Variants in TENM1 observed in about 807,000 individuals in gnomAD.
The protein encoded by TENM1 is teneurin transmembrane protein 1, also known as teneurin-1.
A neutral mutation model predicts 174.8 loss-of-function variants in TENM1; 35 were observed. The ratio of observed to expected loss-of-function variants is 0.20; its 90% confidence interval spans 0.15 to 0.27. TENM1 has a LOEUF of 0.27. TENM1 is among the 10% of genes least tolerant of loss of function. The pLI is 1.00. For synonymous variants in TENM1, 781 were observed against 798.7 expected, an observed-to-expected ratio of 0.98 and a Z score of 0.37; for missense variants, 1,633 against 2,130.1, an observed-to-expected ratio of 0.77 and a Z score of 4.59.
intron 3 of TENM1, among the ~76,000 whole-genome samples, chrX:124,761,627 G>T (rs2054419565): frequency 9.1e-6 from 1 of 109,472 alleles, no homozygotes; most frequent in Admixed American, 9.8e-5. Flanking sequence ...AACCAACATG[G>T]CACATGTATA....
the TENM1 span, among the ~76,000 whole-genome samples, chrX:125,120,321 T>C: frequency 8.9e-6 from 1 of 111,787 alleles, no homozygotes; most frequent in Admixed American, 9.6e-5. Flanking sequence ...TAACTATGTA[T>C]GTTTTTAAGT....
the TENM1 span, among the ~76,000 whole-genome samples, chrX:125,139,420 C>T: frequency 9.0e-6 from 1 of 111,122 alleles, no homozygotes; most frequent in Non-Finnish European, 1.9e-5. Flanking sequence ...CCGAAGCTAC[C>T]ACCACATCTG....
At chrX:125,180,942 T>C in the TENM1 span, among the ~76,000 whole-genome samples, 1 of 111,505 alleles carries the variant, frequency 9.0e-6, no homozygotes, top group Non-Finnish European at 1.9e-5. Context: ...CAGTCCACAC[T>C]CACATGCCTG....
the TENM1 span, among the ~76,000 whole-genome samples, chrX:125,054,853 G>A: frequency 1.8e-5 from 2 of 111,635 alleles, no homozygotes; most frequent in African/African-American, 6.5e-5. Context: ...GAGGGAAAGA[G>A]GGAGGAAAAA....
chrX:125,159,757 T>C, the TENM1 span, among the ~76,000 whole-genome samples: 2 of 112,188 alleles, frequency 1.8e-5, no homozygotes, highest in African/African-American at 6.5e-5. Context: ...TTCTCACTTC[T>C]TTCTTTAAAT....
the TENM1 span, among the ~76,000 whole-genome samples, chrX:125,200,654 T>TGAGAGAGAGAGAGAGAGAGAGAGAGAGA: frequency 1.1e-4 from 10 of 92,418 alleles, no homozygotes; most frequent in African/African-American, 4.2e-4. Flanking sequence ...TGTGTGTGTG[T>TGAGAGAGAGAGAGAGAGAGAGAGAGAGA]GAGAGAGAGA....
chrX:125,152,788 G>C, the TENM1 span, among the ~76,000 whole-genome samples: 2 of 112,191 alleles, frequency 1.8e-5, no homozygotes, highest in African/African-American at 3.2e-5. Flanking sequence ...TGAGAGAAGG[G>C]AGGAAAGAAA....
intron 22 of TENM1, among the ~76,000 whole-genome samples, chrX:124,465,872 C>A (rs985071459): frequency 4.5e-5 from 5 of 111,354 alleles, no homozygotes; most frequent in Admixed American, 1.9e-4. Flanking sequence ...GGGCAGGGAC[C>A]ATATCTTCTT....
intron 3 of TENM1, among the ~76,000 whole-genome samples, chrX:124,891,677 G>A (rs1477631602): frequency 1.8e-5 from 2 of 108,433 alleles, no homozygotes; most frequent in Non-Finnish European, 3.8e-5. Flanking sequence ...AAAATCACAT[G>A]TACCCATAAA....
chrX:124,614,075 G>C (rs1042234841), intron 11 of TENM1, among the ~76,000 whole-genome samples: 20 of 111,567 alleles, frequency 1.8e-4, no homozygotes, highest in African/African-American at 5.5e-4. Flanking sequence ...CTGTTTTCTG[G>C]GGGGGTTGGG....
the TENM1 span, among the ~76,000 whole-genome samples, chrX:125,001,405 A>G: frequency 1.8e-5 from 2 of 111,540 alleles, no homozygotes; most frequent in Non-Finnish European, 3.8e-5. Flanking sequence ...TCTGTAAAAC[A>G]AGGTACTTGA....
the TENM1 span, among the ~76,000 whole-genome samples, chrX:125,197,880 C>G: frequency 8.9e-6 from 1 of 111,790 alleles, no homozygotes; most frequent in Non-Finnish European, 1.9e-5. Context: ...GTTTCATTAT[C>G]AAAGATCTTC....
In TENM1 at chrX:124,886,841, G is replaced by C. The variant is rs916218200; in HGVS notation, c.535+7455C>G. On this transcript the variant is annotated intron_variant, in intron 3 of 31. Transcript: ENST00000422452. ...GCAAAGTATGTCAACAGGAAATTGA[G>C]AGAAGAGATGGAAATGGGCCATTAA... 4.7e-5 allele frequency among the ~76,000 whole-genome samples: 5 copies of C among 105,278 alleles called. No homozygotes were observed. The East Asian group carries it at 1.5e-3, about 31-fold the overall frequency. 91.4% of individuals were successfully genotyped at this position (105,278 alleles called of 115,157 possible). A position where few individuals can be genotyped will look rare whatever the true frequency, so the allele number is the denominator to read the frequency against.
the TENM1 span, among the ~76,000 whole-genome samples, chrX:125,057,144 T>C: frequency 1.8e-5 from 2 of 111,902 alleles, no homozygotes; most frequent in African/African-American, 6.5e-5. Flanking sequence ...TATGCATATA[T>C]ATATCTTTTA....
chrX:124,492,283 C>G (rs1255206859), intron 20 of TENM1, among the ~76,000 whole-genome samples: 3 of 111,642 alleles, frequency 2.7e-5, no homozygotes, highest in Non-Finnish European at 5.7e-5. Flanking sequence ...ATTAAATTAA[C>G]TGATCTTAAG....
At chrX:124,605,565 G>C (rs1005037539) in intron 11 of TENM1, among the ~76,000 whole-genome samples, 1 of 110,764 alleles carries the variant, frequency 9.0e-6, no homozygotes, top group African/African-American at 3.3e-5. Context: ...TGCCATTTTT[G>C]TTTTCAGTAA....
At chrX:124,436,794 C>T (rs898585643) in intron 23 of TENM1, among the ~76,000 whole-genome samples, 1 of 111,014 alleles carries the variant, frequency 9.0e-6, no homozygotes, top group Non-Finnish European at 1.9e-5. Context: ...TTTCCCCAGT[C>T]GGAGAGATGG....
At chrX:124,659,416 TA>T (rs1376265385) in intron 6 of TENM1, among the ~76,000 whole-genome samples, 1 of 112,062 alleles carries the variant, frequency 8.9e-6, no homozygotes, top group Non-Finnish European at 1.9e-5. Context: ...AATAATTCAG[TA>T]AAAGAAACTG....
intron 3 of TENM1, among the ~76,000 whole-genome samples, chrX:124,822,226 A>G (rs1460436554): frequency 8.9e-6 from 1 of 111,863 alleles, no homozygotes; most frequent in Non-Finnish European, 1.9e-5. Context: ...GATGATAACA[A>G]TGGTTTTAGA....
Sources: allele counts gnomAD v4.1 joint callset (sites outside exome capture counted in the v4.1 genomes callset), GRCh38; gene constraint gnomAD v4.1.1; transcripts MANE v1.5; gene names NCBI Gene and HGNC (gene_info 2026-07-23, HGNC 2026-07-21).